NTF3: variants seen among roughly 807,000 people sequenced by gnomAD.
NTF3 encodes neurotrophin 3.
A neutral mutation model predicts 26.3 loss-of-function variants in NTF3; 8 were observed. The ratio of observed to expected loss-of-function variants is 0.30; its 90% CI spans 0.18 to 0.55. The LOEUF (loss-of-function observed/expected upper bound fraction) is 0.55, where lower values mean the gene tolerates loss of function less well. Among genes scored for constraint, NTF3 ranks in the 20% least tolerant of loss-of-function variants. NTF3 has a pLI of 0.93. For missense variants in NTF3, 276 were observed against 352.9 expected (o/e 0.78, Z 1.75); for synonymous variants, 154 against 145.5 (o/e 1.06, Z -0.42).
chr12:5,490,568 GCCCACTGGGGGACT>G (rs560722261), intron 1 of NTF3, among the ~76,000 whole-genome samples: 63 of 152,312 alleles, frequency 4.1e-4, no homozygotes, highest in Non-Finnish European at 6.8e-4. Flanking sequence ...CAGGGAACTG[GCCCACTGGGGGACT>G]CCCACCCCGG....
At chr12:5,452,346 C>T (rs1446266346) in intron 1 of NTF3, among the ~76,000 whole-genome samples, 6 of 150,532 alleles carry the variant, frequency 4.0e-5, no homozygotes, top group East Asian at 2.0e-4. Context: ...CCACCCGCCT[C>T]GGCTTCCCAA....
intron 1 of NTF3, among the ~76,000 whole-genome samples, chr12:5,483,731 G>A (rs373947077): frequency 1.3e-5 from 2 of 152,178 alleles, no homozygotes; most frequent in East Asian, 3.9e-4. Context: ...TTGAGGAATC[G>A]CATTTGCGTT....
In NTF3 at chr12:5,494,099, C is replaced by A; in HGVS notation, c.19-95C>A. On this transcript the variant is annotated intron_variant, in intron 1 of 1. Coordinates refer to ENST00000423158, the MANE Select transcript of NTF3 (RefSeq NM_001102654.2). The surrounding 1 kb of genome is among the most constrained non-coding windows in gnomAD (Gnocchi z 8.3). Reference sequence around the variant, plus strand: ...CTGGGGGGCGGTACCCTCTCTCGTGCCCTCACAGGGCTACTCAGCCTCAGG... The same window carrying A: ...CTGGGGGGCGGTACCCTCTCTCGTGACCTCACAGGGCTACTCAGCCTCAGG... 2 of 1,214,548 alleles carry A rather than the reference C, an allele frequency of 1.6e-6. No homozygotes were observed. Among genetic ancestry groups the A allele is most frequent in the South Asian group, 1.4e-5 (1 of 71,438 alleles). The allele number at this position is 1,214,548 out of a possible 1,614,324, so 75.2% of individuals were successfully genotyped here.
chr12:5,479,408 G>A (rs1463302715), intron 1 of NTF3, among the ~76,000 whole-genome samples: 1 of 152,216 alleles, frequency 6.6e-6, no homozygotes, highest in African/African-American at 2.4e-5. Context: ...ATACAGCATG[G>A]TCTGCATTTT....
chr12:5,449,800 C>T (rs1271437081), intron 1 of NTF3, among the ~76,000 whole-genome samples: 3 of 152,216 alleles, frequency 2.0e-5, no homozygotes, highest in Non-Finnish European at 4.4e-5. Context: ...CATTTAGTCA[C>T]TTAGAACATT....
chr12:5,465,711 C>A (rs1940581458), intron 1 of NTF3, among the ~76,000 whole-genome samples: 1 of 152,230 alleles, frequency 6.6e-6, no homozygotes, highest in Admixed American at 6.5e-5. Context: ...TTTCCAGGCC[C>A]CCATCCCCAC....
At chr12:5,468,063 A>G (rs1432222983) in intron 1 of NTF3, among the ~76,000 whole-genome samples, 5 of 152,136 alleles carry the variant, frequency 3.3e-5, no homozygotes, top group Admixed American at 6.5e-5. Context: ...TCTGTTCCCA[A>G]ACAAATTCCC....
intron 1 of NTF3, among the ~76,000 whole-genome samples, chr12:5,460,564 C>T (rs1162823955): frequency 6.6e-6 from 1 of 152,210 alleles, no homozygotes; most frequent in East Asian, 1.9e-4. Flanking sequence ...GGAATTTCTC[C>T]ATCTCTGTCT....
Position 5,494,278 on chromosome 12 carries a change from G to C in NTF3, c.103G>C (p.Asp35His). Reference protein sequence around the residue: ...YLRGIQGNNMDQRSLPEDSLN... With the variant: ...YLRGIQGNNMHQRSLPEDSLN... ...CCGTGGCATCCAAGGTAACAACATG[G>C]ATCAAAGGAGTTTGCCAGAAGACTC... Residue 35 changes from aspartate (D) to histidine (H), a missense_variant, in exon 2 of 2, where the codon GAT (aspartate) becomes CAT (histidine). Physicochemically the swap from Asp to His is moderately conservative, Grantham distance 81 (BLOSUM62 -1). Coordinates refer to ENST00000423158, the MANE Select transcript of NTF3 (RefSeq NM_001102654.2). This position sits in a 1 kb window ranked among gnomAD's most constrained non-coding sequence, Gnocchi z 8.3. 6.2e-7 allele frequency: 1 copy of C among 1,614,116 alleles called. No individual in the cohort carries two copies. Among genetic ancestry groups the C allele is most frequent in the Non-Finnish European group, 8.5e-7 (1 of 1,180,032 alleles).
At chr12:5,448,324 G>A (rs977414051) in intron 1 of NTF3, among the ~76,000 whole-genome samples, 1 of 152,074 alleles carries the variant, frequency 6.6e-6, no homozygotes, top group Non-Finnish European at 1.5e-5. Context: ...TTAGGCTTGG[G>A]CTTTTCTATT....
intron 1 of NTF3, among the ~76,000 whole-genome samples, chr12:5,455,236 T>C (rs1406324810): frequency 6.6e-6 from 1 of 152,200 alleles, no homozygotes; most frequent in Admixed American, 6.5e-5. Context: ...AGCTCCTGTC[T>C]CTCTGCACAC....
intron 1 of NTF3, among the ~76,000 whole-genome samples, chr12:5,434,165 G>A (rs144068619): frequency 1.1e-4 from 16 of 152,318 alleles, no homozygotes; most frequent in South Asian, 4.1e-4. Context: ...AAAGAAAGCT[G>A]AAAGGTAGAA....
chr12:5,454,847 A>T (rs1014325479), intron 1 of NTF3, among the ~76,000 whole-genome samples: 12 of 152,182 alleles, frequency 7.9e-5, no homozygotes, highest in African/African-American at 2.9e-4. Context: ...GAGGACAGGA[A>T]AGTATAGCGA....
intron 1 of NTF3, among the ~76,000 whole-genome samples, chr12:5,465,809 C>T (rs999313143): frequency 6.6e-6 from 1 of 152,244 alleles, no homozygotes; most frequent in Non-Finnish European, 1.5e-5. Context: ...TCAGGGAAAC[C>T]ATAGCAGTAG....
chr12:5,453,104 G>A (rs1238711794), intron 1 of NTF3, among the ~76,000 whole-genome samples: 1 of 152,234 alleles, frequency 6.6e-6, no homozygotes, highest in Non-Finnish European at 1.5e-5. Flanking sequence ...AGGATTGTAT[G>A]ACTGAACACA....
At chr12:5,491,007 C>T (rs1940929508) in intron 1 of NTF3, among the ~76,000 whole-genome samples, 1 of 152,238 alleles carries the variant, frequency 6.6e-6, no homozygotes, top group Non-Finnish European at 1.5e-5. Flanking sequence ...TGATGCTATG[C>T]TAGGTGCTTC....
intron 1 of NTF3, among the ~76,000 whole-genome samples, chr12:5,460,989 C>T (rs1230081262): frequency 1.3e-5 from 2 of 152,210 alleles, no homozygotes; most frequent in South Asian, 2.1e-4. Flanking sequence ...CAGGGTTTTT[C>T]CATCTGGGCC....
rs55645726 is a variant in NTF3 at position 5,481,506 on chromosome 12, C to G, written c.19-12688C>G. On this transcript the variant is annotated intron_variant, in intron 1 of 1. Transcript: ENST00000423158. ...ATGCACACCACAGATACACAGAATACCACACACACATGCACACACACAGAC... is the reference window on the plus strand; with the variant it reads ...ATGCACACCACAGATACACAGAATAGCACACACACATGCACACACACAGAC... 5.5e-3 allele frequency among the ~76,000 whole-genome samples: 180 copies of G among 32,766 alleles called. 17 individuals carry two copies. The highest frequency in any genetic ancestry group is 0.011 in the South Asian group (9 of 852). The allele number at this position is 32,766 out of a possible 152,430, so 21.5% of individuals were successfully genotyped here.
intron 1 of NTF3, among the ~76,000 whole-genome samples, chr12:5,476,070 C>T (rs894316026): frequency 2.2e-4 from 33 of 152,094 alleles, no homozygotes; most frequent in African/African-American, 7.5e-4. Flanking sequence ...TGTTGGAGAG[C>T]GAGTATGATA....
Sources: gnomAD v4.1 joint callset for allele counts (sites outside exome capture counted in the v4.1 genomes callset) on GRCh38, gnomAD v4.1.1 for gene constraint, Gnocchi (gnomAD v3.1) non-coding constraint, MANE v1.5 for transcripts, NCBI Gene and HGNC (gene_info 2026-07-23, HGNC 2026-07-21) for gene names.